Variants in MDGA2 observed in about 807,000 individuals in gnomAD.
The protein encoded by MDGA2 is MAM domain-containing glycosylphosphatidylinositol anchor protein 2.
A neutral mutation model predicts 117.8 loss-of-function variants in MDGA2; 40 were observed. That is an observed-to-expected ratio of 0.34 (90% CI 0.26 to 0.44). The LOEUF (loss-of-function observed/expected upper bound fraction) is 0.44. Among genes scored for constraint, MDGA2 ranks in the 20% least tolerant of loss-of-function variants. MDGA2 has a pLI of 1.00. For missense variants in MDGA2, 1,123 were observed against 1,250.6 expected, an observed-to-expected ratio of 0.90 and a Z score of 1.54; for synonymous variants, 452 against 439.0, an observed-to-expected ratio of 1.03 and a Z score of -0.37.
At chr14:47,507,391 C>T (rs1323321361) in intron 1 of MDGA2, among the ~76,000 whole-genome samples, 1 of 152,098 alleles carries the variant, frequency 6.6e-6, no homozygotes, top group Non-Finnish European at 1.5e-5. Flanking sequence ...AGGACTGACA[C>T]ATCAGTTTAG....
intron 6 of MDGA2, among the ~76,000 whole-genome samples, chr14:47,091,099 T>C (rs1314484947): frequency 6.6e-6 from 1 of 152,158 alleles, no homozygotes; most frequent in East Asian, 1.9e-4. Flanking sequence ...GTTGGTCACA[T>C]CACACAAATT....
chr14:46,917,383 C>T (rs1409046280), intron 10 of MDGA2, among the ~76,000 whole-genome samples: 1 of 152,140 alleles, frequency 6.6e-6, no homozygotes, highest in African/African-American at 2.4e-5. Context: ...ACAAGAGTAC[C>T]TGGCCTGTGG....
chr14:47,284,607 T>C (rs1888608956), intron 2 of MDGA2, among the ~76,000 whole-genome samples: 1 of 152,180 alleles, frequency 6.6e-6, no homozygotes, highest in Non-Finnish European at 1.5e-5. Flanking sequence ...TAATGAGAAA[T>C]GTCCCCAACC....
intron 2 of MDGA2, among the ~76,000 whole-genome samples, chr14:47,270,236 A>G (rs909824254): frequency 5.3e-5 from 8 of 152,162 alleles, no homozygotes; most frequent in Non-Finnish European, 1.2e-4. Context: ...GTTCCAAAAA[A>G]GGTAATGTGA....
At chr14:47,223,727 T>C (rs927662374) in intron 2 of MDGA2, among the ~76,000 whole-genome samples, 1 of 152,170 alleles carries the variant, frequency 6.6e-6, no homozygotes, top group Non-Finnish European at 1.5e-5. Context: ...GCTATTGTAT[T>C]AGTCCGTTCT....
intron 9 of MDGA2, among the ~76,000 whole-genome samples, chr14:46,929,639 A>T (rs1282735511): frequency 0.12 from 2,657 of 22,024 alleles, 592 homozygotes; most frequent in Non-Finnish European, 0.17. Flanking sequence ...ATATATATAT[A>T]TATATATACA....
chr14:46,977,828 G>A (rs1218785283), intron 8 of MDGA2, among the ~76,000 whole-genome samples: 1 of 137,824 alleles, frequency 7.3e-6, no homozygotes, highest in Non-Finnish European at 1.6e-5. Context: ...GGGGGACTCG[G>A]TAAAAAAAAT....
rs552751301 is a variant in MDGA2, at chr14:47,162,278, T to A, written c.596-18004A>T. ...TTCTTGACCCATTTGAGGTCACTATTTTTTTCCTTCAATCTTTTCTACAGT... is the reference window on the plus strand; with the variant it reads ...TTCTTGACCCATTTGAGGTCACTATATTTTTCCTTCAATCTTTTCTACAGT... On this transcript the variant is annotated intron_variant, in intron 3 of 16. Coordinates refer to ENST00000399232, the MANE Select transcript of MDGA2 (RefSeq NM_001113498.3). 8.5e-5 allele frequency among the ~76,000 whole-genome samples: 13 copies of A among 152,156 alleles called. No homozygotes were observed. In the South Asian group the frequency reaches 2.3e-3, roughly 27 times the overall value.
chr14:47,095,811 T>G (rs1371847355), intron 6 of MDGA2, among the ~76,000 whole-genome samples: 1 of 152,052 alleles, frequency 6.6e-6, no homozygotes, highest in African/African-American at 2.4e-5. Context: ...CACCACAATC[T>G]ACATTCACAA....
intron 7 of MDGA2, among the ~76,000 whole-genome samples, chr14:47,050,360 G>T (rs1889414240): frequency 6.6e-6 from 1 of 152,030 alleles, no homozygotes; most frequent in African/African-American, 2.4e-5. Context: ...CAATGAGAAT[G>T]TAAGAAGCAT....
At chr14:47,319,167 G>C (rs1889901524) in intron 1 of MDGA2, among the ~76,000 whole-genome samples, 1 of 152,062 alleles carries the variant, frequency 6.6e-6, no homozygotes, top group African/African-American at 2.4e-5. Context: ...CTTACTGGTT[G>C]GTGGATCGTC....
chr14:47,547,147 A>T (rs962166024), intron 1 of MDGA2, among the ~76,000 whole-genome samples: 1 of 152,086 alleles, frequency 6.6e-6, no homozygotes, highest in Non-Finnish European at 1.5e-5. Context: ...TCCTAACCTA[A>T]TTTTTTCATT....
intron 1 of MDGA2, among the ~76,000 whole-genome samples, chr14:47,560,318 G>A (rs879628759): frequency 4.6e-5 from 7 of 151,830 alleles, no homozygotes; most frequent in Non-Finnish European, 8.8e-5. Context: ...TGATCTGCCC[G>A]CCTCGGCCTC....
At chr14:47,360,469 G>C (rs563939871) in intron 1 of MDGA2, among the ~76,000 whole-genome samples, 1 of 151,848 alleles carries the variant, frequency 6.6e-6, no homozygotes, top group Non-Finnish European at 1.5e-5. Context: ...AATGGGCAAC[G>C]GGTATATGAA....
At chr14:46,919,937 C>A in intron 10 of MDGA2, 75 bp downstream of exon 10, 1 of 1,359,664 alleles carries the variant, frequency 7.4e-7, no homozygotes, top group Non-Finnish European at 9.8e-7. Context: ...TCATGCAAAA[C>A]TCTTAGAAAA....
chr14:46,984,984 A>AT (rs1423400558), intron 8 of MDGA2, among the ~76,000 whole-genome samples: 3 of 151,976 alleles, frequency 2.0e-5, no homozygotes, highest in African/African-American at 7.2e-5. Flanking sequence ...ATATCAGTAC[A>AT]TTTTTTTCAT....
intron 1 of MDGA2, among the ~76,000 whole-genome samples, chr14:47,509,034 G>A (rs1894582283): frequency 6.6e-6 from 1 of 152,080 alleles, no homozygotes; most frequent in Non-Finnish European, 1.5e-5. Context: ...GAGTTAAGAT[G>A]GTTGCAGATA....
intron 1 of MDGA2, among the ~76,000 whole-genome samples, chr14:47,668,531 G>T (rs1405171672): frequency 6.6e-6 from 1 of 152,132 alleles, no homozygotes. Flanking sequence ...AGGGCCAAAA[G>T]ATTATTAATT....
chr14:47,097,757 G>A (rs1447869271), intron 5 of MDGA2, among the ~76,000 whole-genome samples: 1 of 151,920 alleles, frequency 6.6e-6, no homozygotes, highest in Non-Finnish European at 1.5e-5. Flanking sequence ...TATCAACACA[G>A]CTTTAAAACT....
Sources: allele counts gnomAD v4.1 joint callset (sites outside exome capture counted in the v4.1 genomes callset), GRCh38; gene constraint gnomAD v4.1.1; transcripts MANE v1.5; gene names NCBI Gene and HGNC (gene_info 2026-07-23, HGNC 2026-07-21).